BABAM2: variants seen among roughly 807,000 people sequenced by gnomAD.
BABAM2 encodes BRISC and BRCA1-A complex member 2.
BABAM2 carries 31 observed loss-of-function variants against 54.7 expected under a neutral mutation model. That is an observed-to-expected ratio of 0.57 (90% CI 0.43 to 0.77). BABAM2 has a LOEUF of 0.77. Ranked by LOEUF, BABAM2 falls within the 30% of genes least tolerant of loss-of-function variation. BABAM2 has a pLI of 0.00. For missense variants in BABAM2, 364 were observed against 455.8 expected (o/e 0.80, Z 1.83); for synonymous variants, 167 against 162.9 (o/e 1.03, Z -0.19).
intron 6 of BABAM2, among the ~76,000 whole-genome samples, chr2:28,070,556 C>CCT (rs1553310881): frequency 6.8e-6 from 1 of 147,236 alleles, no homozygotes; most frequent in African/African-American, 2.5e-5. Context: ...CTTTTCTTTT[C>CCT]TTTTTTTTTT....
intron 11 of BABAM2, among the ~76,000 whole-genome samples, chr2:28,336,413 A>G (rs1019778275): frequency 7.5e-5 from 11 of 146,792 alleles, no homozygotes; most frequent in African/African-American, 2.7e-4. Context: ...AGTGACAGGT[A>G]GGGTGTCCCA....
chr2:28,083,761 C>T (rs541380167), intron 6 of BABAM2, among the ~76,000 whole-genome samples: 1 of 152,146 alleles, frequency 6.6e-6, no homozygotes, highest in Admixed American at 6.5e-5. Flanking sequence ...TGACTCTTAT[C>T]TTTGTCCCAG....
At chr2:27,898,435 G>C (rs1402128594) in intron 2 of BABAM2, among the ~76,000 whole-genome samples, 1 of 152,054 alleles carries the variant, frequency 6.6e-6, no homozygotes, top group African/African-American at 2.4e-5. Context: ...TGTAGCCAGA[G>C]GCAGTTCCCA....
chr2:28,099,000 A>G (rs1441073146), intron 6 of BABAM2, among the ~76,000 whole-genome samples: 1 of 152,140 alleles, frequency 6.6e-6, no homozygotes, highest in Admixed American at 6.5e-5. Context: ...CAGTTCCTCT[A>G]ACTCCCCTTG....
At chr2:28,198,598 A>G (rs943995133) in intron 7 of BABAM2, among the ~76,000 whole-genome samples, 41 of 152,150 alleles carry the variant, frequency 2.7e-4, no homozygotes, top group African/African-American at 9.9e-4. Flanking sequence ...CTGTGTGTCC[A>G]TAGTACCTGT....
rs1400247736 is a variant in BABAM2, at chr2:28,180,086, TG to T, written c.680+50707del. Among the ~76,000 whole-genome samples the T allele has an allele frequency of 5.3e-5, 8 of 152,174 alleles. No homozygotes were observed. The South Asian group carries it at 6.2e-4, about 12-fold the overall frequency. On this transcript the variant is annotated intron_variant, in intron 7 of 11. Coordinates refer to ENST00000379624, the MANE Select transcript of BABAM2 (RefSeq NM_199191.3). ...AATGTAATCTGTATCAAAATACCAA[TG>T]TCATTTTTCACAGAATTAGAAAAAA...
At position 28,062,257 on chromosome 2, in the gene BABAM2, C is replaced by CAA. The variant is rs796458704; in HGVS notation, c.570+16473_570+16474dup. ...TGGGTGACAGAGCAGGAGTCCGTCT[C>CAA]AAAAAAAAAAAAAAAACAAAAAACC... On this transcript the variant is annotated intron_variant, in intron 6 of 11. Transcript: ENST00000379624. Among the ~76,000 whole-genome samples, 53 of 68,376 alleles carry CAA rather than the reference C, an allele frequency of 7.8e-4. 3 individuals carry two copies. The highest frequency in any genetic ancestry group is 1.3e-3 in the Admixed American group (8 of 6,194). 44.9% of individuals were successfully genotyped at this position (68,376 alleles called of 152,430 possible).
chr2:28,084,817 A>G (rs1665499453), intron 6 of BABAM2, among the ~76,000 whole-genome samples: 1 of 152,156 alleles, frequency 6.6e-6, no homozygotes, highest in South Asian at 2.1e-4. Context: ...AGAAACCATG[A>G]AAAAGAGAGG....
chr2:28,026,859 T>TAG (rs1553414468), intron 5 of BABAM2, among the ~76,000 whole-genome samples: 1 of 83,166 alleles, frequency 1.2e-5, no homozygotes, highest in East Asian at 2.7e-4. Flanking sequence ...TATTTATATA[T>TAG]ATAGATATAT....
intron 6 of BABAM2, 69 bp downstream of exon 6, chr2:28,045,868 T>A: frequency 8.3e-7 from 1 of 1,207,538 alleles, no homozygotes; most frequent in Non-Finnish European, 1.2e-6. Flanking sequence ...ACTCAATATT[T>A]GTATGACTGG....
chr2:27,939,593 T>C (rs1668733248), intron 3 of BABAM2, among the ~76,000 whole-genome samples: 1 of 152,222 alleles, frequency 6.6e-6, no homozygotes, highest in Non-Finnish European at 1.5e-5. Context: ...GAATTTGTAA[T>C]TGGAACATTG....
intron 7 of BABAM2, among the ~76,000 whole-genome samples, chr2:28,232,859 A>G (rs1681544399): frequency 6.6e-6 from 1 of 152,204 alleles, no homozygotes; most frequent in Non-Finnish European, 1.5e-5. Context: ...ATTTGCATGG[A>G]AAAGACTAGT....
At chr2:28,034,480 A>G (rs1217557993) in intron 5 of BABAM2, among the ~76,000 whole-genome samples, 1 of 152,206 alleles carries the variant, frequency 6.6e-6, no homozygotes, top group Admixed American at 6.5e-5. Flanking sequence ...CAGGTGCTCA[A>G]TAAGTGCCGC....
intron 6 of BABAM2, among the ~76,000 whole-genome samples, chr2:28,098,729 T>G (rs1164319720): frequency 6.6e-6 from 1 of 152,214 alleles, no homozygotes; most frequent in Non-Finnish European, 1.5e-5. Context: ...ATATTGGACT[T>G]GTTGGAATGT....
intron 7 of BABAM2, among the ~76,000 whole-genome samples, chr2:28,184,747 A>C (rs1676098548): frequency 6.6e-6 from 1 of 152,098 alleles, no homozygotes; most frequent in African/African-American, 2.4e-5. Flanking sequence ...ATTGGTTCCA[A>C]GTCTTTGCTA....
intron 10 of BABAM2, among the ~76,000 whole-genome samples, chr2:28,280,322 G>A (rs2148191309): frequency 6.6e-6 from 1 of 152,108 alleles, no homozygotes; most frequent in Middle Eastern, 3.4e-3. Context: ...GCCTCCCAAA[G>A]TGCTGGGATT....
chr2:27,920,693 T>C (rs1406735772), intron 2 of BABAM2, among the ~76,000 whole-genome samples: 1 of 152,170 alleles, frequency 6.6e-6, no homozygotes, highest in Non-Finnish European at 1.5e-5. Flanking sequence ...CAGGAAGCTA[T>C]GTAGGACACA....
At chr2:28,087,920 G>A (rs1665816029) in intron 6 of BABAM2, among the ~76,000 whole-genome samples, 1 of 152,156 alleles carries the variant, frequency 6.6e-6, no homozygotes, top group Non-Finnish European at 1.5e-5. Context: ...AAAGTGCTGG[G>A]ATTACAGGCA....
intron 4 of BABAM2, among the ~76,000 whole-genome samples, chr2:28,007,517 T>G (rs1258152120): frequency 6.6e-6 from 1 of 151,924 alleles, no homozygotes; most frequent in Non-Finnish European, 1.5e-5. Context: ...TTGTTAGAGC[T>G]CCAAGATTAA....
Sources: allele counts gnomAD v4.1 joint callset (sites outside exome capture counted in the v4.1 genomes callset), GRCh38; gene constraint gnomAD v4.1.1; transcripts MANE v1.5; gene names NCBI Gene and HGNC (gene_info 2026-07-23, HGNC 2026-07-21).